The following DHX36 variants were observed in gnomAD, a reference collection of about 807,000 sequenced individuals.
DHX36 encodes ATP-dependent DNA/RNA helicase DHX36.
A neutral mutation model predicts 139.0 loss-of-function variants in DHX36; 50 were observed. The observed-to-expected ratio is 0.36, with a 90% CI of 0.29 to 0.46. The LOEUF (loss-of-function observed/expected upper bound fraction) is 0.46, where lower values mean the gene tolerates loss of function less well. Among genes scored for constraint, DHX36 ranks in the 20% least tolerant of loss-of-function variants. The probability of loss-of-function intolerance (pLI) is 1.00; values close to 1 mark genes in which losing one functional copy is unlikely to be tolerated. For synonymous variants in DHX36, 425 were observed against 401.9 expected (o/e 1.06, Z -0.69); for missense variants, 1,024 against 1,211.3 (o/e 0.85, Z 2.29).
chr3:154,286,500 T>C (rs1039217071), intron 17 of DHX36, among the ~76,000 whole-genome samples: 2 of 151,140 alleles, frequency 1.3e-5, no homozygotes, highest in Admixed American at 6.6e-5. Context: ...AATCCAAAAA[T>C]ACCACTAACC....
In DHX36 at chr3:154,282,487, T is replaced by C. The variant is rs534779736; in HGVS notation, c.2376+701A>G. Among the ~76,000 whole-genome samples, 3 of 152,288 alleles carry C rather than the reference T, an allele frequency of 2.0e-5. No individual in the cohort carries two copies. The South Asian group carries it at 6.2e-4, about 32-fold the overall frequency. On this transcript the variant is annotated intron_variant, in intron 20 of 24. Transcript: ENST00000496811. The stretch of plus-strand genomic sequence containing the variant: ...TATTCTTATTAGCTATTCCATATTA[T>C]GAAACAGTTTAAAGGTGTTTTCTAC...
chr3:154,314,758 C>T (rs764063939), intron 3 of DHX36: 9 of 252,100 alleles, frequency 3.6e-5, no homozygotes, highest in Non-Finnish European at 6.8e-5. Context: ...CCTCACTAAA[C>T]TGGCCTAGAA....
At chr3:154,293,972 G>A (rs1487123194) in intron 13 of DHX36, among the ~76,000 whole-genome samples, 160 bp from the exon 14 acceptor site, 1 of 152,178 alleles carries the variant, frequency 6.6e-6, no homozygotes, top group Non-Finnish European at 1.5e-5. Flanking sequence ...ATGAAGTACA[G>A]ATCATTTTCA....
chr3:154,319,683 C>T (rs1224499397), intron 1 of DHX36, among the ~76,000 whole-genome samples: 29 of 152,152 alleles, frequency 1.9e-4, no homozygotes, highest in East Asian at 1.9e-4. Context: ...GGCAGTCAAC[C>T]GATATTCTGG....
intron 4 of DHX36, 40 bp from the exon 5 acceptor site, chr3:154,309,863 T>A: frequency 7.0e-7 from 1 of 1,424,204 alleles, no homozygotes; most frequent in Non-Finnish European, 9.5e-7. Flanking sequence ...ACATGTTGAC[T>A]AAGTCTGAAA....
At chr3:154,313,205 T>G in intron 3 of DHX36, among the ~76,000 whole-genome samples, 1 of 152,070 alleles carries the variant, frequency 6.6e-6, no homozygotes. Context: ...CATTTCAAAC[T>G]GGCATTAATC....
At chr3:154,322,765 T>C in intron 1 of DHX36, among the ~76,000 whole-genome samples, 1 of 152,230 alleles carries the variant, frequency 6.6e-6, no homozygotes, top group East Asian at 1.9e-4. Context: ...GTAAGCTCTT[T>C]GAATACCACA....
intron 23 of DHX36, 140 bp from the exon 24 acceptor site, chr3:154,277,039 TAAGA>T (rs2108328616): frequency 1.4e-6 from 1 of 738,502 alleles, no homozygotes; most frequent in Admixed American, 3.7e-5. Context: ...CAGAGATTTG[TAAGA>T]AATACCATTT....
At chr3:154,285,140 C>T (rs1325146323) in intron 17 of DHX36, among the ~76,000 whole-genome samples, 153 bp from the exon 18 acceptor site, 2 of 152,198 alleles carry the variant, frequency 1.3e-5, no homozygotes, top group Admixed American at 1.3e-4. Flanking sequence ...CCTACCAAAA[C>T]ATAAGTTGTG....
intron 17 of DHX36, among the ~76,000 whole-genome samples, chr3:154,286,179 A>AAAAAC (rs1553757093): frequency 1.1e-4 from 12 of 110,634 alleles, no homozygotes; most frequent in South Asian, 3.1e-4. Context: ...AAAAAAAAAA[A>AAAAAC]AAAAAAAAAA....
chr3:154,276,496 A>G (rs984879244), intron 24 of DHX36, 140 bp from the exon 25 acceptor site: 16 of 873,140 alleles, frequency 1.8e-5, no homozygotes, highest in Non-Finnish European at 2.6e-5. Flanking sequence ...GCAATCAACT[A>G]AAGTGTGGTT....
At chr3:154,303,445 T>C (rs771360880) in intron 8 of DHX36, 35 bp from the exon 9 acceptor site, 1 of 1,451,172 alleles carries the variant, frequency 6.9e-7, no homozygotes, top group East Asian at 2.3e-5. Flanking sequence ...CATAAATTTG[T>C]ACTCAAATGT....
intron 23 of DHX36, 52 bp from the exon 24 acceptor site, chr3:154,276,951 C>T (rs748228490): frequency 1.5e-5 from 23 of 1,489,970 alleles, no homozygotes; most frequent in Non-Finnish European, 2.0e-5. Context: ...GAAAAGATTA[C>T]TATATAAATT....
chr3:154,319,464 G>A (rs920877346), intron 1 of DHX36, among the ~76,000 whole-genome samples: 2 of 151,774 alleles, frequency 1.3e-5, no homozygotes, highest in African/African-American at 4.8e-5. Flanking sequence ...CTAAGAAAAG[G>A]TCCTCAGTTG....
intron 22 of DHX36, 163 bp downstream of exon 22, chr3:154,280,416 C>A (rs1350051845): frequency 6.9e-6 from 4 of 576,546 alleles, no homozygotes; most frequent in East Asian, 2.9e-5. Context: ...GAAAGTGATA[C>A]CAATGGCTAA....
chr3:154,278,069 C>G (rs2108329713), intron 22 of DHX36, among the ~76,000 whole-genome samples: 1 of 152,000 alleles, frequency 6.6e-6, no homozygotes, highest in African/African-American at 2.4e-5. Context: ...GAATAAATAA[C>G]AAAAAAGTAC....
In DHX36 at chr3:154,275,628, G is replaced by A. The variant is rs1289712177; in HGVS notation, c.*543C>T. ...ATAGTAAAAATATCAAATGAACCAA[G>A]CCATAGGTGAAAATGTAGAAACCAA... is the stretch of plus-strand genomic sequence containing the variant. On this transcript the variant is annotated 3_prime_UTR_variant, in exon 25 of 25. Transcript: ENST00000496811. 6.6e-6 allele frequency: 1 copy of A among 152,590 alleles called. No individual in the cohort carries two copies. Among genetic ancestry groups the A allele is most frequent in the Non-Finnish European group, 1.5e-5 (1 of 68,026 alleles). The allele number at this position is 152,590 out of a possible 1,614,324, so 9.5% of individuals were successfully genotyped here.
chr3:154,276,051 A>G lies in DHX36; in HGVS notation c.*120T>C. On this transcript the variant is annotated 3_prime_UTR_variant, in exon 25 of 25. Coordinates refer to ENST00000496811, the MANE Select transcript of DHX36 (RefSeq NM_020865.3). ...CACATTAAGTCTTTACTACCTACTG[A>G]AGGCTTCTACCTTACACATGAAAAT... is the stretch of plus-strand genomic sequence containing the variant. 1.3e-6 allele frequency: 1 copy of G among 796,510 alleles called. No homozygotes were observed. Among genetic ancestry groups the G allele is most frequent in the Non-Finnish European group, 2.0e-6 (1 of 505,690 alleles). The allele number at this position is 796,510 out of a possible 1,614,324, so 49.3% of individuals were successfully genotyped here. A position where few individuals can be genotyped will look rare whatever the true frequency, so the allele number is the denominator to read the frequency against.
At chr3:154,300,142 C>A (rs1345143827) in intron 11 of DHX36, among the ~76,000 whole-genome samples, 1 of 151,952 alleles carries the variant, frequency 6.6e-6, no homozygotes, top group East Asian at 1.9e-4. Context: ...GATCTCGGAT[C>A]ACTGCAGCAT....
Sources: gnomAD v4.1 joint callset for allele counts (sites outside exome capture counted in the v4.1 genomes callset) on GRCh38, gnomAD v4.1.1 for gene constraint, MANE v1.5 for transcripts, NCBI Gene and HGNC (gene_info 2026-07-23, HGNC 2026-07-21) for gene names.